The following PLCXD3 variants were observed in gnomAD, a reference collection of about 807,000 sequenced individuals.
PLCXD3 encodes PI-PLC X domain-containing protein 3.
A neutral mutation model predicts 25.5 loss-of-function variants in PLCXD3; 19 were observed. That is an observed-to-expected ratio of 0.75 (90% CI 0.52 to 1.09). The LOEUF is 1.09. Among genes scored for constraint, PLCXD3 ranks in the 50% least tolerant of loss-of-function variants. PLCXD3 has a pLI of 0.00. For missense variants in PLCXD3, 411 were observed against 388.1 expected, an observed-to-expected ratio of 1.06 and a Z score of -0.50; for synonymous variants, 174 against 137.6, an observed-to-expected ratio of 1.26 and a Z score of -1.85.
At chr5:41,350,061 C>G (rs775928765) in intron 2 of PLCXD3, among the ~76,000 whole-genome samples, 10 of 152,054 alleles carry the variant, frequency 6.6e-5, no homozygotes, top group Non-Finnish European at 1.3e-4. Context: ...TGATAAAGAC[C>G]TCTCTCACAC....
intron 1 of PLCXD3, among the ~76,000 whole-genome samples, chr5:41,452,477 C>T (rs758620762): frequency 2.6e-5 from 4 of 152,000 alleles, no homozygotes; most frequent in Non-Finnish European, 4.4e-5. Context: ...GCAGGTGCAA[C>T]TTGGTACCAG....
At chr5:41,400,792 G>T (rs1746158566) in intron 1 of PLCXD3, among the ~76,000 whole-genome samples, 1 of 151,980 alleles carries the variant, frequency 6.6e-6, no homozygotes, top group Non-Finnish European at 1.5e-5. Context: ...ACAATAGGTT[G>T]ACTATAGTCA....
intron 2 of PLCXD3, among the ~76,000 whole-genome samples, chr5:41,359,056 T>G (rs1744700112): frequency 6.6e-6 from 1 of 152,226 alleles, no homozygotes; most frequent in South Asian, 2.1e-4. Flanking sequence ...CCCTGCATCC[T>G]GGTATGAAAC....
intron 1 of PLCXD3, among the ~76,000 whole-genome samples, chr5:41,504,460 T>C (rs1011362528): frequency 6.6e-6 from 1 of 152,164 alleles, no homozygotes; most frequent in African/African-American, 2.4e-5. Flanking sequence ...AAAAGATGCC[T>C]GGTTTTGGCA....
chr5:41,465,386 T>TTTTTTTTG (rs1747994262), intron 1 of PLCXD3, among the ~76,000 whole-genome samples: 1 of 117,076 alleles, frequency 8.5e-6, no homozygotes, highest in Admixed American at 9.8e-5. Context: ...TTTTTTTTTT[T>TTTTTTTTG]GCATTTCTAC....
chr5:41,361,017 A>T (rs1218409267), intron 2 of PLCXD3, among the ~76,000 whole-genome samples: 1 of 151,956 alleles, frequency 6.6e-6, no homozygotes, highest in African/African-American at 2.4e-5. Flanking sequence ...GAGAAAGACT[A>T]CCAAGTGGGG....
chr5:41,336,183 C>G (rs1422413269), intron 2 of PLCXD3, among the ~76,000 whole-genome samples: 3 of 152,178 alleles, frequency 2.0e-5, no homozygotes, highest in Admixed American at 6.5e-5. Flanking sequence ...AATAATGGTA[C>G]TACTTCATAG....
At chr5:41,391,336 G>C (rs1180050532) in intron 1 of PLCXD3, among the ~76,000 whole-genome samples, 1 of 152,158 alleles carries the variant, frequency 6.6e-6, no homozygotes, top group Non-Finnish European at 1.5e-5. Context: ...GGGAAGAGTT[G>C]AGAGGAGTTT....
intron 2 of PLCXD3, among the ~76,000 whole-genome samples, chr5:41,356,027 G>A (rs1483821664): frequency 6.6e-6 from 1 of 152,162 alleles, no homozygotes; most frequent in East Asian, 1.9e-4. Context: ...ATCATTGGGA[G>A]GCTGAGGTGT....
At chr5:41,506,857 C>T (rs1749060383) in intron 1 of PLCXD3, among the ~76,000 whole-genome samples, 1 of 152,206 alleles carries the variant, frequency 6.6e-6, no homozygotes, top group South Asian at 2.1e-4. Flanking sequence ...GTACAGTCAA[C>T]AATTCCCTGT....
intron 1 of PLCXD3, among the ~76,000 whole-genome samples, chr5:41,433,754 G>A (rs762068181): frequency 2.6e-5 from 4 of 152,162 alleles, no homozygotes; most frequent in Non-Finnish European, 5.9e-5. Flanking sequence ...TCTAAACAGC[G>A]CCCTCACAGG....
chr5:41,421,694 CCTT>C (rs1746831327), intron 1 of PLCXD3, among the ~76,000 whole-genome samples: 1 of 152,046 alleles, frequency 6.6e-6, no homozygotes, highest in Non-Finnish European at 1.5e-5. Flanking sequence ...GAGCGAGACT[CCTT>C]CTCAAAAAAA....
chr5:41,441,152 TACCTGAAAAGACAGCA>T (rs909165210), intron 1 of PLCXD3, among the ~76,000 whole-genome samples: 28 of 152,308 alleles, frequency 1.8e-4, no homozygotes, highest in Admixed American at 2.0e-4. Context: ...GGGCTTTCGG[TACCTGAAAAGACAGCA>T]ACCTGAAAAG....
chr5:41,506,404 G>C (rs922204530), intron 1 of PLCXD3, among the ~76,000 whole-genome samples: 2 of 152,192 alleles, frequency 1.3e-5, no homozygotes, highest in African/African-American at 4.8e-5. Flanking sequence ...CAGAACAAGA[G>C]AGATATTCAT....
chr5:41,462,950 T>C (rs1747927085), intron 1 of PLCXD3, among the ~76,000 whole-genome samples: 1 of 151,964 alleles, frequency 6.6e-6, no homozygotes, highest in African/African-American at 2.4e-5. Context: ...CTAGACTGAT[T>C]TGAGTAGAAG....
chr5:41,437,456 G>C (rs1747280823), intron 1 of PLCXD3, among the ~76,000 whole-genome samples: 1 of 152,244 alleles, frequency 6.6e-6, no homozygotes, highest in African/African-American at 2.4e-5. Flanking sequence ...GTGATTGTGG[G>C]AAGAGGTGAG....
At chr5:41,506,641 C>T (rs1056727333) in intron 1 of PLCXD3, among the ~76,000 whole-genome samples, 5 of 152,046 alleles carry the variant, frequency 3.3e-5, no homozygotes, top group African/African-American at 9.7e-5. Flanking sequence ...ACACAGGCAG[C>T]AACAAAAAGG....
rs562284612 is a variant in PLCXD3 at position 41,352,914 on chromosome 5, T to A, written c.812+28912A>T. On this transcript the variant is annotated intron_variant, in intron 2 of 2. Coordinates refer to ENST00000377801, the MANE Select transcript of PLCXD3 (RefSeq NM_001005473.3). ...AGGGTTTGACTTATTTGAAGGACAATCTCCTTAGTGAAAAATCTTAAAGAG... is the reference window on the plus strand; with the variant it reads ...AGGGTTTGACTTATTTGAAGGACAAACTCCTTAGTGAAAAATCTTAAAGAG... Among the ~76,000 whole-genome samples, 18 of 152,232 alleles carry A rather than the reference T, an allele frequency of 1.2e-4. No homozygotes were observed. The East Asian group carries it at 3.5e-3, about 29-fold the overall frequency.
intron 2 of PLCXD3, among the ~76,000 whole-genome samples, chr5:41,344,577 A>G (rs747532909): frequency 6.6e-6 from 1 of 152,088 alleles, no homozygotes; most frequent in Non-Finnish European, 1.5e-5. Flanking sequence ...TTGCCTAGAA[A>G]TTGTTTTAGA....
Sources: gnomAD v4.1 joint callset for allele counts (sites outside exome capture counted in the v4.1 genomes callset) on GRCh38, gnomAD v4.1.1 for gene constraint, MANE v1.5 for transcripts, NCBI Gene and HGNC (gene_info 2026-07-23, HGNC 2026-07-21) for gene names.